The following ACSS3 variants were observed in gnomAD, a reference collection of about 807,000 sequenced individuals.
ACSS3 encodes the protein acyl-CoA synthetase short-chain family member 3, mitochondrial.
Under a neutral mutation model 84.2 loss-of-function variants are expected in ACSS3, and 64 were observed. The observed-to-expected ratio is 0.76, with a 90% confidence interval of 0.62 to 0.94. The LOEUF (loss-of-function observed/expected upper bound fraction) is 0.94, where lower values mean the gene tolerates loss of function less well. Ranked by LOEUF, ACSS3 falls within the 40% of genes least tolerant of loss-of-function variation. ACSS3 has a pLI of 0.00. For missense variants in ACSS3, 815 were observed against 867.6 expected, an observed-to-expected ratio of 0.94 and a Z score of 0.76; for synonymous variants, 317 against 310.1, an observed-to-expected ratio of 1.02 and a Z score of -0.23.
At chr12:81,166,475 T>C (rs753984615) in intron 7 of ACSS3, among the ~76,000 whole-genome samples, 5 of 152,130 alleles carry the variant, frequency 3.3e-5, no homozygotes, top group African/African-American at 4.8e-5. Context: ...AACAGAAACT[T>C]AGGAAATTCT....
chr12:81,125,919 G>A (rs575758524), intron 2 of ACSS3: 3 of 151,928 alleles, frequency 2.0e-5, no homozygotes, highest in African/African-American at 4.8e-5. Context: ...CCCCTATTAC[G>A]CAATAATCGA....
intron 2 of ACSS3, chr12:81,124,262 A>G (rs529647164): frequency 1.3e-5 from 2 of 152,096 alleles, no homozygotes; most frequent in Non-Finnish European, 2.9e-5. Flanking sequence ...ACTTTTTAAT[A>G]TATTTGTTGG....
rs529443610 is a variant in ACSS3 at position 81,259,561 on chromosome 12, C to T, written c.*4639C>T. ...TTTTTCAGCTTTTAATAAGTCATGA[C>T]GTCATTATTTCCTTAGAATTCAGTT... On this transcript the variant is annotated 3_prime_UTR_variant, in exon 16 of 16. Coordinates refer to ENST00000548058, the MANE Select transcript of ACSS3 (RefSeq NM_024560.4). 3.5e-5 allele frequency: 49 copies of T among 1,398,936 alleles called. No individual in the cohort carries two copies. The highest frequency in any genetic ancestry group is 4.5e-5 in the Non-Finnish European group (46 of 1,024,700). 86.7% of individuals were successfully genotyped at this position (1,398,936 alleles called of 1,614,324 possible). A position where few individuals can be genotyped will look rare whatever the true frequency, so the allele number is the denominator to read the frequency against.
intron 4 of ACSS3, among the ~76,000 whole-genome samples, chr12:81,141,042 C>G (rs898660903): frequency 2.6e-5 from 4 of 152,108 alleles, no homozygotes; most frequent in African/African-American, 9.7e-5. Flanking sequence ...AGTGGCAGAA[C>G]CAGGATTTAA....
chr12:81,096,431 G>C (rs933593870), intron 1 of ACSS3, among the ~76,000 whole-genome samples: 3 of 152,086 alleles, frequency 2.0e-5, no homozygotes, highest in Non-Finnish European at 4.4e-5. Context: ...AAAAAACATG[G>C]ATACTTAAAA....
intron 8 of ACSS3, among the ~76,000 whole-genome samples, chr12:81,189,323 T>G (rs1440841020): frequency 6.6e-6 from 1 of 152,136 alleles, no homozygotes. Flanking sequence ...TCACTTGCAG[T>G]GTGTGATTGT....
At chr12:81,254,634 C>T (rs2034250672) in intron 15 of ACSS3, among the ~76,000 whole-genome samples, 1 of 152,028 alleles carries the variant, frequency 6.6e-6, no homozygotes, top group East Asian at 1.9e-4. Context: ...GAGAAAATAC[C>T]ATCTAGGTCC....
At chr12:81,229,895 C>T (rs2033398118) in intron 11 of ACSS3, among the ~76,000 whole-genome samples, 1 of 151,834 alleles carries the variant, frequency 6.6e-6, no homozygotes, top group African/African-American at 2.4e-5. Context: ...AAAGAGGCAT[C>T]GGCAGCTGCT....
intron 11 of ACSS3, among the ~76,000 whole-genome samples, chr12:81,227,490 T>A (rs2033310439): frequency 6.6e-6 from 1 of 151,802 alleles, no homozygotes; most frequent in African/African-American, 2.4e-5. Flanking sequence ...TTTGAAGCCC[T>A]TATTGCTATA....
intron 8 of ACSS3, among the ~76,000 whole-genome samples, chr12:81,179,679 G>T (rs2030781025): frequency 6.7e-6 from 1 of 150,300 alleles, no homozygotes; most frequent in South Asian, 2.1e-4. Context: ...GCTGAGGCAG[G>T]AGAATGGCGT....
chr12:81,242,264 T>C (rs1196465960), intron 13 of ACSS3, among the ~76,000 whole-genome samples: 1 of 152,034 alleles, frequency 6.6e-6, no homozygotes, highest in Non-Finnish European at 1.5e-5. Flanking sequence ...CTAGAAGAAA[T>C]GGATAAATTC....
At chr12:81,172,715 C>T (rs2030168250) in intron 7 of ACSS3, among the ~76,000 whole-genome samples, 1 of 152,066 alleles carries the variant, frequency 6.6e-6, no homozygotes, top group Admixed American at 6.6e-5. Flanking sequence ...ACTGTATTTT[C>T]AATATTTGAT....
At chr12:81,164,746 A>C (rs972501384) in intron 7 of ACSS3, among the ~76,000 whole-genome samples, 4 of 152,194 alleles carry the variant, frequency 2.6e-5, no homozygotes, top group African/African-American at 9.7e-5. Flanking sequence ...TTTTACCTAC[A>C]TGGAGGTAGT....
intron 9 of ACSS3, among the ~76,000 whole-genome samples, chr12:81,213,932 C>CCTTT (rs1555181656): frequency 0.25 from 18,850 of 76,506 alleles, 4,889 homozygotes; most frequent in East Asian, 0.65. Flanking sequence ...TTCCTTCCTT[C>CCTTT]CTTTCTCTCT....
chr12:81,186,861 A>G (rs2031290857), intron 8 of ACSS3, among the ~76,000 whole-genome samples: 1 of 151,862 alleles, frequency 6.6e-6, no homozygotes, highest in African/African-American at 2.4e-5. Context: ...TTCTGGGTAT[A>G]TACTCAAAGG....
chr12:81,135,931 T>C (rs768287559), intron 3 of ACSS3, among the ~76,000 whole-genome samples: 1 of 152,172 alleles, frequency 6.6e-6, no homozygotes, highest in Non-Finnish European at 1.5e-5. Context: ...TTGTCATATA[T>C]TTGGGTGTAT....
At chr12:81,122,585 A>T (rs1166218749) in intron 2 of ACSS3, among the ~76,000 whole-genome samples, 3 of 152,156 alleles carry the variant, frequency 2.0e-5, no homozygotes, top group Non-Finnish European at 4.4e-5. Context: ...ATATAACCTT[A>T]TCTAGATAAC....
intron 8 of ACSS3, among the ~76,000 whole-genome samples, chr12:81,191,406 TATACTC>T (rs1012813220): frequency 2.0e-5 from 3 of 152,160 alleles, no homozygotes; most frequent in African/African-American, 7.2e-5. Context: ...TTTCCTTTCT[TATACTC>T]TTACTGGTTT....
At chr12:81,186,485 T>G (rs534742834) in intron 8 of ACSS3, among the ~76,000 whole-genome samples, 2 of 151,812 alleles carry the variant, frequency 1.3e-5, no homozygotes, top group East Asian at 3.9e-4. Context: ...ATCCAAAATT[T>G]TATAAAGAAC....
Sources: gnomAD v4.1 joint callset for allele counts (sites outside exome capture counted in the v4.1 genomes callset) on GRCh38, gnomAD v4.1.1 for gene constraint, MANE v1.5 for transcripts, NCBI Gene and HGNC (gene_info 2026-07-23, HGNC 2026-07-21) for gene names.